PCCA: variants seen among roughly 807,000 people sequenced by gnomAD.
PCCA encodes the protein propionyl-CoA carboxylase subunit alpha.
In PCCA, 74 loss-of-function variants were observed where a neutral mutation model predicts 101.3. That is an observed-to-expected ratio of 0.73 (90% CI 0.61 to 0.89). The LOEUF (loss-of-function observed/expected upper bound fraction) is 0.89. PCCA is among the 40% of genes least tolerant of loss of function. The pLI is 0.00. For synonymous variants in PCCA, 294 were observed against 313.6 expected, an observed-to-expected ratio of 0.94 and a Z score of 0.66; for missense variants, 891 against 907.0, an observed-to-expected ratio of 0.98 and a Z score of 0.23.
At chr13:100,171,924 C>T (rs1460334654) in intron 6 of PCCA, among the ~76,000 whole-genome samples, 4 of 150,958 alleles carry the variant, frequency 2.6e-5, no homozygotes, top group East Asian at 3.9e-4. Flanking sequence ...CCCAGCTACT[C>T]GGGAGGCTGA....
intron 6 of PCCA, among the ~76,000 whole-genome samples, chr13:100,186,889 T>G (rs1431062494): frequency 6.6e-6 from 1 of 152,216 alleles, no homozygotes; most frequent in Non-Finnish European, 1.5e-5. Context: ...AATTGAGAAT[T>G]GTGCAGTGAG....
chr13:100,245,354 C>A (rs1435564382), intron 8 of PCCA, among the ~76,000 whole-genome samples: 1 of 152,282 alleles, frequency 6.6e-6, no homozygotes, highest in African/African-American at 2.4e-5. Flanking sequence ...CCTTGGAAAA[C>A]TCTAGTAATA....
intron 21 of PCCA, among the ~76,000 whole-genome samples, chr13:100,513,161 G>A (rs1294799430): frequency 1.3e-5 from 2 of 152,248 alleles, no homozygotes; most frequent in African/African-American, 4.8e-5. Flanking sequence ...AAGAAGGCGT[G>A]TTTGTGTGGT....
intron 14 of PCCA, 143 bp from the exon 15 acceptor site, chr13:100,307,049 T>C: frequency 1.5e-6 from 1 of 666,310 alleles, no homozygotes; most frequent in Non-Finnish European, 2.6e-6. Context: ...AGATTTTAGA[T>C]TGTTTTCCTA....
At chr13:100,503,613 T>C (rs1373132454) in intron 21 of PCCA, among the ~76,000 whole-genome samples, 1 of 151,114 alleles carries the variant, frequency 6.6e-6, no homozygotes, top group Non-Finnish European at 1.5e-5. Flanking sequence ...CCTCTTTAAA[T>C]GAGCTGTGGG....
intron 21 of PCCA, among the ~76,000 whole-genome samples, chr13:100,466,362 C>T (rs1566382948): frequency 6.6e-6 from 1 of 152,204 alleles, no homozygotes; most frequent in Non-Finnish European, 1.5e-5. Flanking sequence ...TGACAAGACA[C>T]GTAGGAAGCC....
chr13:100,518,312 G>T (rs1358738818), intron 22 of PCCA, among the ~76,000 whole-genome samples: 1 of 152,206 alleles, frequency 6.6e-6, no homozygotes, highest in Non-Finnish European at 1.5e-5. Flanking sequence ...AATCTGTTTT[G>T]TGAAGTAAAC....
At chr13:100,232,364 G>GTGTGTGTGTA (rs1164405861) in intron 7 of PCCA, among the ~76,000 whole-genome samples, 1 of 149,984 alleles carries the variant, frequency 6.7e-6, no homozygotes, top group Non-Finnish European at 1.5e-5. Flanking sequence ...GTGTGTGTGT[G>GTGTGTGTGTA]TGTGTGTGTG....
intron 6 of PCCA, among the ~76,000 whole-genome samples, chr13:100,158,752 G>A (rs1019548239): frequency 2.0e-5 from 3 of 152,056 alleles, no homozygotes; most frequent in African/African-American, 7.2e-5. Context: ...GCCTGTTTTT[G>A]TCAATAAAAT....
chr13:100,398,208 A>G (rs1050273047), intron 19 of PCCA, among the ~76,000 whole-genome samples: 58 of 152,322 alleles, frequency 3.8e-4, no homozygotes, highest in African/African-American at 1.3e-3. Flanking sequence ...ATTTTATTTC[A>G]TACCACTGGT....
Position 100,432,339 on chromosome 13 carries a change from C to T in PCCA, c.1845+6608C>T, listed in dbSNP as rs189302170. On this transcript the variant is annotated intron_variant, in intron 20 of 23. Transcript: ENST00000376285. ...TAAAAAGATGATTTTTCGCTTAATACGATCCTCAGTATATTTGCTTCTGTG... is the reference window on the plus strand; with the variant it reads ...TAAAAAGATGATTTTTCGCTTAATATGATCCTCAGTATATTTGCTTCTGTG... Among the ~76,000 whole-genome samples, 12 of 152,222 alleles carry T rather than the reference C, an allele frequency of 7.9e-5. No homozygotes were observed. The East Asian group carries it at 1.9e-3, about 24-fold the overall frequency.
chr13:100,118,128 A>G (rs1345350475), intron 4 of PCCA, among the ~76,000 whole-genome samples: 28 of 151,572 alleles, frequency 1.8e-4, no homozygotes, highest in African/African-American at 6.3e-4. Context: ...AAAAAAAGAA[A>G]AAAAAAAAAA....
intron 4 of PCCA, chr13:100,150,491 C>T (rs2053169112): frequency 1.3e-5 from 16 of 1,253,948 alleles, no homozygotes; most frequent in South Asian, 1.7e-5. Context: ...TTAGCGGTAA[C>T]GGTGGAGCGG....
chr13:100,350,342 T>TA (rs10709727), intron 18 of PCCA, among the ~76,000 whole-genome samples: 8 of 151,738 alleles, frequency 5.3e-5, no homozygotes, highest in Non-Finnish European at 1.0e-4. Context: ...AACTATACAA[T>TA]AAAAAAAAAT....
At chr13:100,220,980 A>G (rs971090211) in intron 7 of PCCA, among the ~76,000 whole-genome samples, 4 of 152,196 alleles carry the variant, frequency 2.6e-5, no homozygotes, top group African/African-American at 9.7e-5. Flanking sequence ...TCCATGGACA[A>G]AGCAAGTCAA....
intron 12 of PCCA, among the ~76,000 whole-genome samples, chr13:100,282,716 A>G (rs1187046526): frequency 2.6e-5 from 4 of 152,134 alleles, no homozygotes; most frequent in African/African-American, 9.7e-5. Flanking sequence ...CTGCAGCTTG[A>G]CCTTTTCTGT....
intron 11 of PCCA, 25 bp from the exon 12 acceptor site, chr13:100,273,171 G>A: frequency 6.3e-7 from 1 of 1,598,982 alleles, no homozygotes; most frequent in South Asian, 1.1e-5. Context: ...CCGAAATGTA[G>A]ACAAACATTT....
At chr13:100,241,870 C>G (rs1483358768) in intron 8 of PCCA, among the ~76,000 whole-genome samples, 1 of 152,068 alleles carries the variant, frequency 6.6e-6, no homozygotes, top group Non-Finnish European at 1.5e-5. Context: ...TGTTTGTATA[C>G]CTGTTTTCAA....
chr13:100,213,494 C>T (rs2059345221), intron 7 of PCCA, among the ~76,000 whole-genome samples: 1 of 152,082 alleles, frequency 6.6e-6, no homozygotes, highest in South Asian at 2.1e-4. Flanking sequence ...ATGTTGAGCA[C>T]CTTTTTATAT....
Sources: gnomAD v4.1 joint callset for allele counts (sites outside exome capture counted in the v4.1 genomes callset) on GRCh38, gnomAD v4.1.1 for gene constraint, MANE v1.5 for transcripts, NCBI Gene and HGNC (gene_info 2026-07-23, HGNC 2026-07-21) for gene names.